GPHN: variants seen among roughly 807,000 people sequenced by gnomAD.
The protein encoded by GPHN is gephyrin.
Under a neutral mutation model 95.5 loss-of-function variants are expected in GPHN, and 17 were observed. That is an observed-to-expected ratio of 0.18 (90% CI 0.12 to 0.27). The LOEUF is 0.27. GPHN is among the 10% of genes least tolerant of loss of function. The probability of loss-of-function intolerance (pLI) is 1.00; values close to 1 mark genes in which losing one functional copy is unlikely to be tolerated. For synonymous variants in GPHN, 320 were observed against 322.5 expected, an observed-to-expected ratio of 0.99 and a Z score of 0.08; for missense variants, 660 against 978.1, an observed-to-expected ratio of 0.67 and a Z score of 4.34.
the GPHN span, among the ~76,000 whole-genome samples, chr14:67,284,561 A>C: frequency 3.0e-5 from 4 of 133,992 alleles, no homozygotes; most frequent in African/African-American, 2.8e-5. Context: ...AAAAAAAAAA[A>C]AAAAAAAAAA....
chr14:66,554,843 T>C (rs1191009078), intron 1 of GPHN, among the ~76,000 whole-genome samples: 1 of 152,158 alleles, frequency 6.6e-6, no homozygotes, highest in East Asian at 1.9e-4. Flanking sequence ...GTTGAATGGG[T>C]AGGTGATAGG....
chr14:67,343,591 C>T, the GPHN span, among the ~76,000 whole-genome samples: 1 of 152,176 alleles, frequency 6.6e-6, no homozygotes, highest in South Asian at 2.1e-4. Flanking sequence ...TTAGGCTGGG[C>T]GCATGGCTCA....
chr14:67,225,033 CCTG>C, the GPHN span: 6 of 1,269,016 alleles, frequency 4.7e-6, no homozygotes, highest in Admixed American at 1.8e-4. Context: ...TTTTTTTCCT[CCTG>C]CTTTTGGCTT....
At chr14:67,500,411 T>C in the GPHN span, among the ~76,000 whole-genome samples, 1 of 150,688 alleles carries the variant, frequency 6.6e-6, no homozygotes, top group Non-Finnish European at 1.5e-5. Context: ...GAGGCAGAGG[T>C]TGCAGGTGAG....
At chr14:67,599,647 A>G in the GPHN span, among the ~76,000 whole-genome samples, 4 of 152,212 alleles carry the variant, frequency 2.6e-5, no homozygotes, top group Non-Finnish European at 4.4e-5. Context: ...AGCAGAAGGG[A>G]TGGACGAGGA....
the GPHN span, among the ~76,000 whole-genome samples, chr14:67,431,391 C>CAAAA: frequency 1.7e-4 from 13 of 77,502 alleles, no homozygotes; most frequent in African/African-American, 2.6e-4. Context: ...GACTCTGTCT[C>CAAAA]AAAAAAAAAA....
chr14:67,307,744 A>G, the GPHN span, among the ~76,000 whole-genome samples: 1 of 152,210 alleles, frequency 6.6e-6, no homozygotes, highest in Admixed American at 6.5e-5. Context: ...GAACTTTAAG[A>G]GTTAAAGATA....
the GPHN span, chr14:67,724,332 T>A: frequency 4.1e-6 from 3 of 723,354 alleles, no homozygotes; most frequent in Non-Finnish European, 7.5e-6. Flanking sequence ...CCTATGAAGG[T>A]TAGCTTTTAT....
In GPHN at chr14:67,010,621, A is replaced by T. The variant is rs538509213; in HGVS notation, c.964-13012A>T. ...TATGTAAAACAAAGAATTACCAATT[A>T]AAAATTTCCTACATGGAAAATTTTT... On this transcript the variant is annotated intron_variant, in intron 9 of 22. Coordinates refer to ENST00000478722, the MANE Select transcript of GPHN (RefSeq NM_020806.5). 3.9e-5 allele frequency among the ~76,000 whole-genome samples: 6 copies of T among 152,182 alleles called. No homozygotes were observed. In the South Asian group the frequency reaches 1.2e-3, roughly 32 times the overall value.
chr14:66,671,604 CTT>C (rs1312215341), intron 1 of GPHN, among the ~76,000 whole-genome samples: 1 of 152,124 alleles, frequency 6.6e-6, no homozygotes, highest in Non-Finnish European at 1.5e-5. Context: ...ACCATGAAAT[CTT>C]TACATCAGTT....
the GPHN span, among the ~76,000 whole-genome samples, chr14:67,243,888 A>C: frequency 1.2e-4 from 19 of 152,288 alleles, no homozygotes; most frequent in Admixed American, 1.2e-3. Context: ...TTCATTTTCC[A>C]TGAAAAAGAA....
the GPHN span, among the ~76,000 whole-genome samples, chr14:67,584,957 A>G: frequency 6.6e-6 from 1 of 152,226 alleles, no homozygotes. Context: ...TGGCATGTCC[A>G]ATGTCTATCT....
chr14:66,656,015 A>G (rs2065286416), intron 1 of GPHN, among the ~76,000 whole-genome samples: 2 of 151,964 alleles, frequency 1.3e-5, no homozygotes, highest in African/African-American at 4.8e-5. Flanking sequence ...TTTGTTAAGG[A>G]TCTTTTGGAT....
At chr14:67,680,203 C>T in the GPHN span, among the ~76,000 whole-genome samples, 1 of 152,208 alleles carries the variant, frequency 6.6e-6, no homozygotes, top group African/African-American at 2.4e-5. Context: ...GTCACGTTTA[C>T]AAAACAAGTC....
Position 66,629,181 on chromosome 14 carries a change from A to ATATTTATATACG in GPHN, c.65-51923_65-51922insTTATATACGTAT, listed in dbSNP as rs2063668797. 1.1e-4 allele frequency among the ~76,000 whole-genome samples: 12 copies of ATATTTATATACG among 106,926 alleles called. 4 individuals are homozygous for ATATTTATATACG. Among genetic ancestry groups the ATATTTATATACG allele is most frequent in the African/African-American group, 6.2e-4 (11 of 17,860 alleles). 70.1% of individuals were successfully genotyped at this position (106,926 alleles called of 152,430 possible). ...AATATGTATATAAATATATATATAC[A>ATATTTATATACG]TATATAAATATGTATATAAATATAT... On this transcript the variant is annotated intron_variant, in intron 1 of 22. Transcript: ENST00000478722.
intron 10 of GPHN, among the ~76,000 whole-genome samples, chr14:67,057,409 G>GGC (rs1555477472): frequency 1.4e-5 from 2 of 147,336 alleles, no homozygotes; most frequent in South Asian, 2.1e-4. Flanking sequence ...TGGGCACATG[G>GGC]GTGGGGGGGG....
the GPHN span, chr14:67,376,711 G>GC: frequency 1.9e-6 from 2 of 1,044,768 alleles, no homozygotes; most frequent in Non-Finnish European, 2.8e-6. Flanking sequence ...TTTTGTATTG[G>GC]CCAGTAAATG....
the GPHN span, chr14:67,614,843 A>G: frequency 4.3e-5 from 6 of 139,206 alleles, no homozygotes; most frequent in South Asian, 1.2e-3. Context: ...TATGTCCTTG[A>G]GGTTTTTTTT....
the GPHN span, among the ~76,000 whole-genome samples, chr14:67,731,689 C>A: frequency 6.6e-6 from 1 of 151,950 alleles, no homozygotes; most frequent in African/African-American, 2.4e-5. Flanking sequence ...GAATACAAAA[C>A]TATATGATTT....
Sources: allele counts gnomAD v4.1 joint callset (sites outside exome capture counted in the v4.1 genomes callset), GRCh38; gene constraint gnomAD v4.1.1; transcripts MANE v1.5; gene names NCBI Gene and HGNC (gene_info 2026-07-23, HGNC 2026-07-21).